Variants in EGFR observed in about 807,000 individuals in gnomAD.
EGFR encodes epidermal growth factor receptor.
A neutral mutation model predicts 143.0 loss-of-function variants in EGFR; 58 were observed. The observed-to-expected ratio is 0.41, with a 90% CI of 0.33 to 0.50. The LOEUF (loss-of-function observed/expected upper bound fraction) is 0.50, where lower values mean the gene tolerates loss of function less well. Among genes scored for constraint, EGFR ranks in the 20% least tolerant of loss-of-function variants. The pLI, the probability that EGFR is intolerant of heterozygous loss-of-function variation, is 0.39. For synonymous variants in EGFR, 613 were observed against 594.4 expected, an observed-to-expected ratio of 1.03 and a Z score of -0.45; for missense variants, 1,307 against 1,579.0, an observed-to-expected ratio of 0.83 and a Z score of 2.92.
chr7:55,073,755 C>T (rs115631808), intron 1 of EGFR, among the ~76,000 whole-genome samples: 4 of 152,290 alleles, frequency 2.6e-5, no homozygotes, highest in Non-Finnish European at 5.9e-5. Context: ...TACATAGAGA[C>T]ATTCACAGCT....
At chr7:55,186,986 C>A (rs948252220) in intron 20 of EGFR, among the ~76,000 whole-genome samples, 1 of 152,252 alleles carries the variant, frequency 6.6e-6, no homozygotes, top group Non-Finnish European at 1.5e-5. Context: ...GCAGACCAAA[C>A]AGCGTGACAG....
At chr7:55,136,422 G>A (rs1330185411) in intron 1 of EGFR, among the ~76,000 whole-genome samples, 7 of 152,274 alleles carry the variant, frequency 4.6e-5, no homozygotes, top group East Asian at 1.9e-4. Context: ...ACACGGAAAC[G>A]AGAAAGGCAG....
intron 1 of EGFR, among the ~76,000 whole-genome samples, chr7:55,066,282 T>G (rs1789496133): frequency 6.6e-6 from 1 of 152,228 alleles, no homozygotes; most frequent in Admixed American, 6.5e-5. Flanking sequence ...GTCATAATAG[T>G]GTGGCATTTG....
At chr7:55,180,214 G>A (rs559198135) in intron 19 of EGFR, 1 of 152,358 alleles carries the variant, frequency 6.6e-6, no homozygotes, top group African/African-American at 2.4e-5. Context: ...AGCAGCTGTG[G>A]ATGCTTTCTG....
chr7:55,200,812 G>A (rs1475687903), intron 24 of EGFR: 6 of 474,280 alleles, frequency 1.3e-5, no homozygotes, highest in Non-Finnish European at 2.3e-5. Flanking sequence ...CATAACACAG[G>A]AATACCAAAA....
intron 1 of EGFR, among the ~76,000 whole-genome samples, chr7:55,033,260 C>T (rs908079448): frequency 6.6e-6 from 1 of 152,128 alleles, no homozygotes; most frequent in Non-Finnish European, 1.5e-5. Context: ...ATATACAAAG[C>T]AAATGTACCG....
intron 5 of EGFR, among the ~76,000 whole-genome samples, chr7:55,152,128 G>A (rs933879733): frequency 6.6e-6 from 1 of 152,162 alleles, no homozygotes; most frequent in African/African-American, 2.4e-5. Flanking sequence ...CCTAGGTATG[G>A]TTGTCTGGCT....
At chr7:55,105,761 A>G (rs1403753934) in intron 1 of EGFR, among the ~76,000 whole-genome samples, 1 of 152,228 alleles carries the variant, frequency 6.6e-6, no homozygotes, top group South Asian at 2.1e-4. Context: ...TTTCATCCTA[A>G]AGATTATTTA....
rs1403084219 is a variant in EGFR at position 55,208,463 on chromosome 7, G to A, written c.*2846G>A. ...TTACCCCATGACCCCAGCTTCAGATGTGGTCTTTGGAAACAGAGGTCGAAG... is the reference window on the plus strand; with the variant it reads ...TTACCCCATGACCCCAGCTTCAGATATGGTCTTTGGAAACAGAGGTCGAAG... On this transcript the variant is annotated 3_prime_UTR_variant, in exon 28 of 28. Coordinates refer to ENST00000275493, the MANE Select transcript of EGFR (RefSeq NM_005228.5). 1 of 152,248 alleles carries A rather than the reference G, an allele frequency of 6.6e-6. No individual in the cohort carries two copies. Among genetic ancestry groups the A allele is most frequent in the East Asian group, 1.9e-4 (1 of 5,196 alleles). 9.4% of individuals were successfully genotyped at this position (152,248 alleles called of 1,614,324 possible). A position where few individuals can be genotyped will look rare whatever the true frequency, so the allele number is the denominator to read the frequency against.
Position 55,207,426 on chromosome 7 carries a change from T to TTAG in EGFR, c.*1809_*1810insTAG, listed in dbSNP as rs1788135991. 1 of 199,144 alleles carries TTAG rather than the reference T, an allele frequency of 5.0e-6. No individual in the cohort carries two copies. The highest frequency in any genetic ancestry group is 2.3e-5 in the African/African-American group (1 of 43,422). The allele number at this position is 199,144 out of a possible 1,614,324, so 12.3% of individuals were successfully genotyped here. A position where few individuals can be genotyped will look rare whatever the true frequency, so the allele number is the denominator to read the frequency against. On this transcript the variant is annotated 3_prime_UTR_variant, in exon 28 of 28. Coordinates refer to ENST00000275493, the MANE Select transcript of EGFR (RefSeq NM_005228.5). The stretch of plus-strand genomic sequence containing the variant: ...ATAAATAAAACATAGTCCCTGATTC[T>TTAG]AAGAAATTCACAATTTAGCAAAGGA...
At chr7:55,086,477 A>G (rs1431164560) in intron 1 of EGFR, among the ~76,000 whole-genome samples, 1 of 152,266 alleles carries the variant, frequency 6.6e-6, no homozygotes, top group East Asian at 1.9e-4. Context: ...AAGACCAAGT[A>G]TAGCAGCAGA....
intron 1 of EGFR, among the ~76,000 whole-genome samples, chr7:55,097,951 T>A (rs1407291928): frequency 3.3e-5 from 5 of 152,214 alleles, no homozygotes; most frequent in African/African-American, 1.2e-4. Flanking sequence ...CCCTTATTTT[T>A]CCTACTTAGA....
chr7:55,209,363 A>C lies in EGFR; in HGVS notation c.*3746A>C, dbSNP rs1435590292. ...TAAGCCTGAGACTTGGCTCATTTCA[A>C]AAGCGTTCAATTCATCCTCACCAGC... On this transcript the variant is annotated 3_prime_UTR_variant, in exon 28 of 28. Transcript: ENST00000275493. 1 of 152,198 alleles carries C rather than the reference A, an allele frequency of 6.6e-6. No homozygotes were observed. The highest frequency in any genetic ancestry group is 1.5e-5 in the Non-Finnish European group (1 of 68,042). 9.4% of individuals were successfully genotyped at this position (152,198 alleles called of 1,614,324 possible). A position where few individuals can be genotyped will look rare whatever the true frequency, so the allele number is the denominator to read the frequency against.
intron 1 of EGFR, among the ~76,000 whole-genome samples, chr7:55,131,939 GAAAA>G (rs1272464184): frequency 1.0e-5 from 1 of 99,836 alleles, no homozygotes; most frequent in Admixed American, 1.1e-4. Context: ...TTTGCTTTCA[GAAAA>G]AAAAAAAAAA....
At position 55,054,471 on chromosome 7, in the gene EGFR, C is replaced by A. The variant is rs551099177; in HGVS notation, c.88+35106C>A. Among the ~76,000 whole-genome samples, 5 of 152,312 alleles carry A rather than the reference C, an allele frequency of 3.3e-5. No homozygotes were observed. In the South Asian group the frequency reaches 1.0e-3, roughly 32 times the overall value. On this transcript the variant is annotated intron_variant, in intron 1 of 27. Transcript: ENST00000275493. ...GAGCACTGCTCTAACTTGGCCATGC[C>A]GTGGCAGCAGCTCCTTTAATGCCAC...
chr7:55,075,596 C>A (rs1790091436), intron 1 of EGFR, among the ~76,000 whole-genome samples: 1 of 152,092 alleles, frequency 6.6e-6, no homozygotes, highest in Non-Finnish European at 1.5e-5. Context: ...TCCTCTTGAG[C>A]TGGGTTATAA....
At position 55,167,033 on chromosome 7, in the gene EGFR, G is replaced by A. The variant is rs1468688773; in HGVS notation, c.1880+1596G>A. 5.3e-5 allele frequency among the ~76,000 whole-genome samples: 7 copies of A among 131,884 alleles called. 1 individual carries two copies. Among genetic ancestry groups the A allele is most frequent in the South Asian group, 3.3e-4 (1 of 3,048 alleles). The allele number at this position is 131,884 out of a possible 152,430, so 86.5% of individuals were successfully genotyped here. A position where few individuals can be genotyped will look rare whatever the true frequency, so the allele number is the denominator to read the frequency against. Reference sequence around the variant, plus strand: ...ACAATGGTGTCAGTGTTGATGGTCCGATGGTGATGAGGAGGTGGGAGTCAC... The same window carrying A: ...ACAATGGTGTCAGTGTTGATGGTCCAATGGTGATGAGGAGGTGGGAGTCAC... On this transcript the variant is annotated intron_variant, in intron 15 of 27. Coordinates refer to ENST00000275493, the MANE Select transcript of EGFR (RefSeq NM_005228.5).
intron 1 of EGFR, among the ~76,000 whole-genome samples, chr7:55,066,567 C>T (rs4947966): frequency 0.053 from 8,038 of 152,288 alleles, 479 homozygotes; most frequent in African/African-American, 0.13. Context: ...ATCACAGAGG[C>T]ATCTCTTTTC....
intron 1 of EGFR, among the ~76,000 whole-genome samples, chr7:55,070,684 A>G (rs1316986992): frequency 1.3e-5 from 2 of 152,166 alleles, no homozygotes; most frequent in East Asian, 3.9e-4. Context: ...CCCCCAGTTT[A>G]TGTCTTAATT....
Sources: gnomAD v4.1 joint callset for allele counts (sites outside exome capture counted in the v4.1 genomes callset) on GRCh38, gnomAD v4.1.1 for gene constraint, MANE v1.5 for transcripts, NCBI Gene and HGNC (gene_info 2026-07-23, HGNC 2026-07-21) for gene names.